GRM8: variants seen among roughly 807,000 people sequenced by gnomAD.
The protein encoded by GRM8 is glutamate metabotropic receptor 8, also known as metabotropic glutamate receptor 8.
In GRM8, 47 loss-of-function variants were observed where a neutral mutation model predicts 87.2. The ratio of observed to expected loss-of-function variants is 0.54; its 90% CI spans 0.43 to 0.69. The LOEUF (loss-of-function observed/expected upper bound fraction) is 0.69, where lower values mean the gene tolerates loss of function less well. GRM8 is among the 30% of genes least tolerant of loss of function. The probability of loss-of-function intolerance (pLI) is 0.00; values close to 1 mark genes in which losing one functional copy is unlikely to be tolerated. For synonymous variants in GRM8, 396 were observed against 404.5 expected, an observed-to-expected ratio of 0.98 and a Z score of 0.25; for missense variants, 1,019 against 1,139.2, an observed-to-expected ratio of 0.89 and a Z score of 1.52.
chr7:126,749,140 T>C (rs1585771040), intron 7 of GRM8, among the ~76,000 whole-genome samples: 1 of 151,938 alleles, frequency 6.6e-6, no homozygotes, highest in East Asian at 1.9e-4. Flanking sequence ...TAGCCAGACA[T>C]CCTGGTGCCT....
In GRM8 at chr7:126,706,863, T is replaced by C. The variant is rs192419103; in HGVS notation, c.1357+63002A>G. Among the ~76,000 whole-genome samples, 160 of 152,270 alleles carry C rather than the reference T, an allele frequency of 1.1e-3. 1 individual carries two copies. Among genetic ancestry groups the C allele is most frequent in the African/African-American group, 3.8e-3 (157 of 41,564 alleles). The stretch of plus-strand genomic sequence containing the variant: ...TTCAATGGTCCTCCTTATTCAATAG[T>C]TTTAATATATACCTGGTATCTGCCA... On this transcript the variant is annotated intron_variant, in intron 7 of 10. Coordinates refer to ENST00000339582, the MANE Select transcript of GRM8 (RefSeq NM_000845.3).
chr7:126,735,352 T>C (rs971930017), intron 7 of GRM8, among the ~76,000 whole-genome samples: 1 of 152,026 alleles, frequency 6.6e-6, no homozygotes, highest in Non-Finnish European at 1.5e-5. Context: ...ACTCTAAATC[T>C]CATTAGGAAT....
At chr7:126,872,534 C>T (rs923818755) in intron 6 of GRM8, among the ~76,000 whole-genome samples, 8 of 152,154 alleles carry the variant, frequency 5.3e-5, no homozygotes, top group Non-Finnish European at 1.0e-4. Flanking sequence ...GGGACACTAG[C>T]ACTTTAAGCT....
chr7:126,466,213 C>T (rs1235892253), intron 9 of GRM8, among the ~76,000 whole-genome samples: 1 of 151,380 alleles, frequency 6.6e-6, no homozygotes, highest in Admixed American at 6.6e-5. Context: ...TGTAATGGTT[C>T]CATTATAAAG....
intron 8 of GRM8, among the ~76,000 whole-genome samples, chr7:126,567,290 A>G (rs1181419732): frequency 6.6e-6 from 1 of 152,056 alleles, no homozygotes; most frequent in Non-Finnish European, 1.5e-5. Context: ...CATCATTCTC[A>G]GCAAACTATC....
chr7:126,454,151 T>C (rs1265385602), intron 9 of GRM8, among the ~76,000 whole-genome samples: 3 of 151,810 alleles, frequency 2.0e-5, no homozygotes. Context: ...GAAACAATTG[T>C]TTCAGGAACA....
At chr7:126,939,262 A>G (rs1806649988) in intron 3 of GRM8, among the ~76,000 whole-genome samples, 1 of 152,170 alleles carries the variant, frequency 6.6e-6, no homozygotes, top group Admixed American at 6.5e-5. Flanking sequence ...AGCATGATCA[A>G]TGTGATAAAA....
At chr7:126,488,494 T>C (rs1436110886) in intron 9 of GRM8, among the ~76,000 whole-genome samples, 1 of 152,012 alleles carries the variant, frequency 6.6e-6, no homozygotes, top group Non-Finnish European at 1.5e-5. Context: ...ACAATCTTGT[T>C]CCACTCTATT....
chr7:126,551,484 A>G (rs111784929), intron 8 of GRM8, among the ~76,000 whole-genome samples: 323 of 152,250 alleles, frequency 2.1e-3, no homozygotes, highest in African/African-American at 7.6e-3. Context: ...TCATTGCTGT[A>G]CTTCAATCCT....
chr7:126,844,620 A>G (rs980789576), intron 6 of GRM8, among the ~76,000 whole-genome samples: 2 of 152,174 alleles, frequency 1.3e-5, no homozygotes, highest in African/African-American at 4.8e-5. Context: ...TGGCTAAAGA[A>G]CAGCAGTGTA....
intron 6 of GRM8, among the ~76,000 whole-genome samples, chr7:126,829,236 A>C (rs1355141767): frequency 1.4e-5 from 2 of 146,814 alleles, no homozygotes; most frequent in Non-Finnish European, 3.0e-5. Context: ...TGCAGAGCTG[A>C]GTTCAATTCC....
intron 7 of GRM8, chr7:126,701,848 G>C: frequency 9.2e-7 from 1 of 1,081,402 alleles, no homozygotes; most frequent in Non-Finnish European, 1.3e-6. Context: ...AAGTCTGTCA[G>C]AGAATAGTGA....
chr7:126,610,180 G>T (rs1387492881), intron 7 of GRM8, among the ~76,000 whole-genome samples: 1 of 152,142 alleles, frequency 6.6e-6, no homozygotes, highest in Admixed American at 6.5e-5. Context: ...CCTCTCGGAA[G>T]TTTTCATCTT....
chr7:126,965,717 A>T (rs896883412), intron 3 of GRM8, among the ~76,000 whole-genome samples: 5 of 152,072 alleles, frequency 3.3e-5, no homozygotes, highest in Admixed American at 6.6e-5. Context: ...AAAAAAATTC[A>T]GTAAAGTTCA....
At chr7:127,006,428 TC>T (rs1455956631) in intron 3 of GRM8, among the ~76,000 whole-genome samples, 5 of 152,004 alleles carry the variant, frequency 3.3e-5, no homozygotes, top group African/African-American at 1.2e-4. Flanking sequence ...TCAGCTTCCG[TC>T]CATTTATCTG....
chr7:126,878,166 G>C (rs979359942), intron 6 of GRM8, among the ~76,000 whole-genome samples: 7 of 152,090 alleles, frequency 4.6e-5, no homozygotes, highest in Non-Finnish European at 1.0e-4. Context: ...CTAACGCTAG[G>C]CATGCTCCAT....
chr7:127,075,215 A>G (rs1822132464), intron 3 of GRM8, among the ~76,000 whole-genome samples: 1 of 152,152 alleles, frequency 6.6e-6, no homozygotes. Context: ...TTATAGGTTC[A>G]CCAGGTGAGG....
intron 7 of GRM8, among the ~76,000 whole-genome samples, chr7:126,716,146 G>T (rs1173751955): frequency 1.3e-5 from 2 of 152,050 alleles, no homozygotes; most frequent in African/African-American, 4.8e-5. Context: ...TTAAATTTAG[G>T]CAGGAAAACT....
chr7:127,175,672 A>C (rs948292752), intron 2 of GRM8, among the ~76,000 whole-genome samples: 2 of 152,208 alleles, frequency 1.3e-5, no homozygotes, highest in South Asian at 4.1e-4. Context: ...AAGCAAGAAG[A>C]GAATGAAATG....
Sources: allele counts gnomAD v4.1 joint callset (sites outside exome capture counted in the v4.1 genomes callset), GRCh38; gene constraint gnomAD v4.1.1; transcripts MANE v1.5; gene names NCBI Gene and HGNC (gene_info 2026-07-23, HGNC 2026-07-21).